Variants in HEATR5A observed in about 807,000 individuals in gnomAD.
The protein encoded by HEATR5A is HEAT repeat containing 5A, also known as HEAT repeat-containing protein 5A.
Under a neutral mutation model 218.8 loss-of-function variants are expected in HEATR5A, and 178 were observed. The ratio of observed to expected loss-of-function variants is 0.81; its 90% confidence interval spans 0.72 to 0.92. The LOEUF (loss-of-function observed/expected upper bound fraction) is 0.92, where lower values mean the gene tolerates loss of function less well. HEATR5A is among the 40% of genes least tolerant of loss of function. HEATR5A has a pLI of 0.00. For missense variants in HEATR5A, 2,420 were observed against 2,418.9 expected (o/e 1.00, Z -0.01); for synonymous variants, 864 against 871.6 (o/e 0.99, Z 0.15).
chr14:31,327,924 T>C (rs1164351835), intron 22 of HEATR5A, among the ~76,000 whole-genome samples: 1 of 152,138 alleles, frequency 6.6e-6, no homozygotes, highest in East Asian at 1.9e-4. Flanking sequence ...GCATGTAGAT[T>C]TGAAAGGTTA....
chr14:31,350,010 C>T (rs748814544), intron 17 of HEATR5A, 31 bp from the exon 18 acceptor site: 4 of 1,414,198 alleles, frequency 2.8e-6, no homozygotes, highest in Non-Finnish European at 3.8e-6. Flanking sequence ...CCCAAACTTA[C>T]AATTGTAGTA....
In HEATR5A at chr14:31,397,226, A is replaced by T. The variant is rs1195112731; in HGVS notation, c.447+1447T>A. 9.2e-5 allele frequency among the ~76,000 whole-genome samples: 14 copies of T among 152,280 alleles called. No homozygotes were observed. In the East Asian group the frequency reaches 2.5e-3, roughly 27 times the overall value. On this transcript the variant is annotated intron_variant, in intron 4 of 35. Transcript: ENST00000543095. ...CATGTTTTGCCTTGTTACATTTTTT[A>T]AAAATGTGTGTGTGACTTTCCAACA...
chr14:31,414,495 A>C (rs1458780949), intron 1 of HEATR5A, among the ~76,000 whole-genome samples: 1 of 152,230 alleles, frequency 6.6e-6, no homozygotes, highest in Non-Finnish European at 1.5e-5. Flanking sequence ...ATAATATTGA[A>C]TATAGATATT....
intron 13 of HEATR5A, among the ~76,000 whole-genome samples, chr14:31,370,003 C>T (rs1198636228): frequency 2.7e-5 from 4 of 149,154 alleles, no homozygotes; most frequent in South Asian, 2.1e-4. Context: ...CCGAGACAGG[C>T]GGATAACGGT....
chr14:31,369,106 A>G (rs1316699096), intron 13 of HEATR5A, among the ~76,000 whole-genome samples: 1 of 151,498 alleles, frequency 6.6e-6, no homozygotes, highest in Non-Finnish European at 1.5e-5. Flanking sequence ...AGACCAGTCT[A>G]GGCAACATAG....
intron 9 of HEATR5A, among the ~76,000 whole-genome samples, chr14:31,385,837 C>T (rs1054140942): frequency 1.3e-5 from 2 of 152,156 alleles, no homozygotes; most frequent in African/African-American, 4.8e-5. Context: ...AAGCGATTCT[C>T]GTGCCTCAGC....
intron 12 of HEATR5A, among the ~76,000 whole-genome samples, chr14:31,373,658 T>A (rs751881533): frequency 6.6e-6 from 1 of 152,128 alleles, no homozygotes. Context: ...AGTCTACATA[T>A]TGTAGAAGGT....
At chr14:31,325,633 C>T (rs1241566388) in intron 23 of HEATR5A, among the ~76,000 whole-genome samples, 3 of 151,706 alleles carry the variant, frequency 2.0e-5, no homozygotes, top group South Asian at 2.1e-4. Flanking sequence ...CTTAGCTTCC[C>T]GAGCAGCTGG....
intron 33 of HEATR5A, among the ~76,000 whole-genome samples, chr14:31,299,883 A>C (rs547584184): frequency 4.6e-5 from 7 of 151,484 alleles, no homozygotes; most frequent in Non-Finnish European, 7.4e-5. Flanking sequence ...ACAAAAAAAA[A>C]AAATTAGCCA....
rs1349336675 is a variant in HEATR5A at position 31,394,231 on chromosome 14, T to A, written c.598-5A>T. 2.8e-6 allele frequency: 4 copies of A among 1,448,942 alleles called. No homozygotes were observed. In the African/African-American group the frequency reaches 5.8e-5, roughly 21 times the overall value. The allele number at this position is 1,448,942 out of a possible 1,614,324, so 89.8% of individuals were successfully genotyped here. On this transcript the variant is annotated splice_polypyrimidine_tract_variant and splice_region_variant and intron_variant, in intron 5 of 35. Transcript: ENST00000543095. Reference sequence around the variant, plus strand: ...ATTCTGAAGTTCAAGGAGACACTATTCAATTGGACAAAGAGAAATTAATGA... The same window carrying A: ...ATTCTGAAGTTCAAGGAGACACTATACAATTGGACAAAGAGAAATTAATGA...
chr14:31,413,256 G>A (rs2378864), intron 1 of HEATR5A, among the ~76,000 whole-genome samples: 152,090 of 152,316 alleles, frequency 1, 75,933 homozygotes, highest in Middle Eastern at 1. Context: ...TTATTAGGAT[G>A]GAGAAGTCAG....
At position 31,383,567 on chromosome 14, in the gene HEATR5A, C is replaced by T; in HGVS notation, c.1550G>A (p.Gly517Glu). Residue 517 changes from glycine to glutamate, a missense_variant, in exon 10 of 36, where the codon GGA (glycine) becomes GAA (glutamate). Gly to Glu is a moderately conservative substitution (Grantham distance 98, BLOSUM62 -2). Coordinates refer to ENST00000543095, the MANE Select transcript of HEATR5A (RefSeq NM_015473.4). ...TCCTAAAGGACAATGTTTTACTGCTCCCAACAAAGCTGCTACAGCAAAACT... is the reference window on the plus strand; with the variant it reads ...TCCTAAAGGACAATGTTTTACTGCTTCCAACAAAGCTGCTACAGCAAAACT... ...GFSFAVAALL[G>E]AVKHCPLGIP... 6.2e-7 allele frequency: 1 copy of T among 1,613,850 alleles called. No homozygotes were observed. The highest frequency in any genetic ancestry group is 1.1e-5 in the South Asian group (1 of 91,084).
chr14:31,295,557 CTTTTTTTTTTTT>C (rs766889885), intron 34 of HEATR5A: 5 of 108,556 alleles, frequency 4.6e-5, no homozygotes, highest in Non-Finnish European at 9.8e-5. Context: ...GCCTCCCTTT[CTTTTTTTTTTTT>C]TTTTTTTTTT....
intron 18 of HEATR5A, among the ~76,000 whole-genome samples, 192 bp from the exon 19 acceptor site, chr14:31,348,099 A>T (rs796261784): frequency 6.6e-6 from 1 of 152,232 alleles, no homozygotes; most frequent in South Asian, 2.1e-4. Flanking sequence ...AAACATTTTG[A>T]ATCAAAATGT....
intron 21 of HEATR5A, among the ~76,000 whole-genome samples, chr14:31,343,339 G>T (rs761818685): frequency 6.6e-6 from 1 of 152,152 alleles, no homozygotes; most frequent in Non-Finnish European, 1.5e-5. Flanking sequence ...AAAGTGCTGG[G>T]ATTACAGGCA....
intron 4 of HEATR5A, among the ~76,000 whole-genome samples, chr14:31,398,276 C>A (rs76183147): frequency 6.6e-6 from 1 of 152,286 alleles, no homozygotes; most frequent in East Asian, 1.9e-4. Flanking sequence ...CCTTCTGATG[C>A]TAGTACAGTA....
At chr14:31,302,825 GTAAAA>G (rs1014694713) in intron 32 of HEATR5A, 2 of 292,162 alleles carry the variant, frequency 6.8e-6, no homozygotes, top group African/African-American at 2.3e-5. Context: ...TTTTACTGTG[GTAAAA>G]TATATACAAC....
chr14:31,315,872 T>G lies in HEATR5A; in HGVS notation c.4116A>C (p.Ser1372=). 2 of 1,605,046 alleles carry G rather than the reference T, an allele frequency of 1.2e-6. No homozygotes were observed. The highest frequency in any genetic ancestry group is 1.7e-6 in the Non-Finnish European group (2 of 1,175,336). ...DLRRVHQLLV[S]SLTKIQAGKE... Reference sequence around the variant, plus strand: ...TTCCAGCCTGTATTTTAGTTAACGATGAAACAAGCAACTGATGAACTCTTC... The same window carrying G: ...TTCCAGCCTGTATTTTAGTTAACGAGGAAACAAGCAACTGATGAACTCTTC... Residue 1372 remains serine (S), a synonymous_variant, in exon 27 of 36, where the codon TCA becomes TCC. Transcript: ENST00000543095.
chr14:31,302,820 C>A, intron 32 of HEATR5A: 1 of 308,486 alleles, frequency 3.2e-6, no homozygotes, highest in East Asian at 7.8e-5. Context: ...TTATCTTTTA[C>A]TGTGGTAAAA....
Sources: gnomAD v4.1 joint callset for allele counts (sites outside exome capture counted in the v4.1 genomes callset) on GRCh38, gnomAD v4.1.1 for gene constraint, MANE v1.5 for transcripts, NCBI Gene and HGNC (gene_info 2026-07-23, HGNC 2026-07-21) for gene names.